The following SLC2A11 variants were observed in gnomAD, a reference collection of about 807,000 sequenced individuals.
SLC2A11 encodes solute carrier family 2 member 11.
Under a neutral mutation model 52.1 loss-of-function variants are expected in SLC2A11, and 43 were observed. The observed-to-expected ratio is 0.82, with a 90% confidence interval of 0.65 to 1.06. The LOEUF (loss-of-function observed/expected upper bound fraction) is 1.06, where lower values mean the gene tolerates loss of function less well. Ranked by LOEUF, SLC2A11 falls within the 50% of genes least tolerant of loss-of-function variation. SLC2A11 has a pLI of 0.00. For synonymous variants in SLC2A11, 261 were observed against 277.6 expected (o/e 0.94, Z 0.59); for missense variants, 582 against 654.2 (o/e 0.89, Z 1.20).
chr22:23,864,725 G>A (rs2032196421), intron 2 of SLC2A11, among the ~76,000 whole-genome samples: 1 of 152,198 alleles, frequency 6.6e-6, no homozygotes, highest in South Asian at 2.1e-4. Flanking sequence ...ACCTCCCACA[G>A]CCATCACCAG....
Position 23,868,618 on chromosome 22 carries a change from T to A in SLC2A11, c.267T>A (p.Gly89=), listed in dbSNP as rs1235486028. Residue 89 remains glycine, a synonymous_variant, in exon 3 of 12, where the codon GGT becomes GGA. Coordinates refer to ENST00000316185, the MANE Select transcript of SLC2A11 (RefSeq NM_001024939.4). ...LGGLFGALLA[G]PLAITLGRKK... is the part of the protein sequence containing the mutation. ...GCCTCTTTGGAGCACTGCTTGCAGGTCCCTTGGCCATCACGCTGGGAAGGT... is the reference window on the plus strand; with the variant it reads ...GCCTCTTTGGAGCACTGCTTGCAGGACCCTTGGCCATCACGCTGGGAAGGT... 1.2e-6 allele frequency: 2 copies of A among 1,614,008 alleles called. No individual in the cohort carries two copies. The highest frequency in any genetic ancestry group is 1.7e-6 in the Non-Finnish European group (2 of 1,180,004).
upstream of SLC2A11, chr22:23,857,065 T>TGA: frequency 2.3e-6 from 1 of 439,878 alleles, no homozygotes; most frequent in Non-Finnish European, 3.8e-6. Context: ...AACCAAAGTG[T>TGA]GTGTGTGTGG....
chr22:23,861,307 A>G (rs999963815), intron 1 of SLC2A11, among the ~76,000 whole-genome samples: 6 of 88,572 alleles, frequency 6.8e-5, no homozygotes, highest in Admixed American at 1.3e-4. Context: ...AAAAAAAAAA[A>G]AAAAAAAAGA....
chr22:23,857,602 C>CCCCCCAACACGCTGGGGCGAACT (rs1568980553), upstream of SLC2A11: 3 of 1,195,480 alleles, frequency 2.5e-6, no homozygotes, highest in African/African-American at 4.6e-5. Flanking sequence ...CGGCGACTCC[C>CCCCCCAACACGCTGGGGCGAACT]CCCCAACACG....
intron 3 of SLC2A11, among the ~76,000 whole-genome samples, chr22:23,874,574 C>T (rs373676236): frequency 1.3e-5 from 2 of 152,080 alleles, no homozygotes; most frequent in South Asian, 2.1e-4. Flanking sequence ...GCCTCAGTCT[C>T]GAGTAGCTGG....
At chr22:23,883,679 C>A in intron 8 of SLC2A11, 93 bp from the exon 9 acceptor site, 2 of 1,055,212 alleles carry the variant, frequency 1.9e-6, no homozygotes, top group Non-Finnish European at 2.7e-6. Flanking sequence ...TCACCTCCAC[C>A]ACCAGCTTTC....
At chr22:23,879,218 G>A (rs9612496) in intron 6 of SLC2A11, among the ~76,000 whole-genome samples, 4 of 151,966 alleles carry the variant, frequency 2.6e-5, no homozygotes, top group African/African-American at 7.2e-5. Flanking sequence ...TAGGCATGAC[G>A]CCATTGTTGA....
chr22:23,869,495 A>C (rs1022135875), intron 3 of SLC2A11: 2 of 153,724 alleles, frequency 1.3e-5, no homozygotes, highest in African/African-American at 4.8e-5. Flanking sequence ...CTCAAAAAAA[A>C]AAAAATTAAC....
At chr22:23,870,025 G>T in intron 3 of SLC2A11, 1 of 717,486 alleles carries the variant, frequency 1.4e-6, no homozygotes, top group African/African-American at 1.7e-5. Flanking sequence ...TCTAAATACC[G>T]TTGCATTGGA....
rs1334229376 is a variant in SLC2A11, at chr22:23,875,114, A to G, written c.291-3A>G. 1.3e-6 allele frequency: 2 copies of G among 1,572,860 alleles called. No homozygotes were observed. The highest frequency in any genetic ancestry group is 3.8e-5 in the Admixed American group (2 of 52,694). ...TCTTTCTGTGTGTTTCACTTCCCCC[A>G]AGGAAGAAGTCCCTCCTGGTGAATA... On this transcript the variant is annotated splice_region_variant and splice_polypyrimidine_tract_variant and intron_variant, in intron 3 of 11. Coordinates refer to ENST00000316185, the MANE Select transcript of SLC2A11 (RefSeq NM_001024939.4).
chr22:23,875,120 G>T lies in SLC2A11; in HGVS notation c.294G>T (p.Lys98Asn), dbSNP rs1322649346. Reference sequence around the variant, plus strand: ...TGTGTGTTTCACTTCCCCCAAGGAAGAAGTCCCTCCTGGTGAATAACATCT... The same window carrying T: ...TGTGTGTTTCACTTCCCCCAAGGAATAAGTCCCTCCTGGTGAATAACATCT... ...AGPLAITLGR[K>N]KSLLVNNIFV... is the part of the protein sequence containing the mutation. Residue 98 changes from lysine (K) to asparagine (N), a missense_variant, in exon 4 of 12, where the codon AAG becomes AAT. Physicochemically the swap from Lys to Asn is moderately conservative, Grantham distance 94. Coordinates refer to ENST00000316185, the MANE Select transcript of SLC2A11 (RefSeq NM_001024939.4). The T allele has an allele frequency of 6.3e-6, 10 of 1,579,114 alleles. No individual in the cohort carries two copies. The highest frequency in any genetic ancestry group is 7.7e-6 in the Non-Finnish European group (9 of 1,162,516).
Position 23,884,176 on chromosome 22 carries a change from G to A in SLC2A11, c.1172-126G>A. The A allele has an allele frequency of 6.8e-7, 1 of 1,478,728 alleles. No homozygotes were observed. Among genetic ancestry groups the A allele is most frequent in the Non-Finnish European group, 9.0e-7 (1 of 1,111,722 alleles). 91.6% of individuals were successfully genotyped at this position (1,478,728 alleles called of 1,614,324 possible). A position where few individuals can be genotyped will look rare whatever the true frequency, so the allele number is the denominator to read the frequency against. On this transcript the variant is annotated intron_variant, in intron 10 of 11. Transcript: ENST00000316185. The surrounding 1 kb of genome is among the most constrained non-coding windows in gnomAD (Gnocchi z 4.3). Reference sequence around the variant, plus strand: ...GGCTTCTGGGAGGGAATGGCAGGAGGAGAGCACTGAGGGGCCCCCCATACA... The same window carrying A: ...GGCTTCTGGGAGGGAATGGCAGGAGAAGAGCACTGAGGGGCCCCCCATACA...
chr22:23,857,609 C>T, upstream of SLC2A11: 5 of 1,260,946 alleles, frequency 4.0e-6, no homozygotes, highest in Non-Finnish European at 5.6e-6. Flanking sequence ...TCCCCCCCAA[C>T]ACGCTGGGGC....
intron 6 of SLC2A11, 75 bp from the exon 7 acceptor site, chr22:23,882,384 G>A (rs781045573): frequency 4.1e-5 from 54 of 1,314,876 alleles, no homozygotes; most frequent in Non-Finnish European, 5.3e-5. Flanking sequence ...TGGTGGGATG[G>A]AGGGGGGCGT....
In SLC2A11 at chr22:23,885,344, G is replaced by C. The variant is rs2032965956; in HGVS notation, c.*495G>C. 5.8e-6 allele frequency: 1 copy of C among 172,382 alleles called. No individual in the cohort carries two copies. The highest frequency in any genetic ancestry group is 6.3e-5 in the Admixed American group (1 of 15,858). The allele number at this position is 172,382 out of a possible 1,614,324, so 10.7% of individuals were successfully genotyped here. ...CATGCCAGACTGGGTGACAGAGGGA[G>C]ACTTCATCTCTTTAAAACATAATAA... On this transcript the variant is annotated 3_prime_UTR_variant, in exon 12 of 12. Transcript: ENST00000316185.
intron 3 of SLC2A11, chr22:23,871,081 A>G (rs1008208214): frequency 2.0e-5 from 3 of 152,128 alleles, no homozygotes; most frequent in African/African-American, 7.2e-5. Flanking sequence ...ATTCTGCTTC[A>G]TCTAAGACTT....
Position 23,868,601 on chromosome 22 carries a change from GGAGCACT to G in SLC2A11, c.252_258del (p.Ala85LeufsTer17). 6.2e-7 allele frequency: 1 copy of G among 1,614,162 alleles called. No individual in the cohort carries two copies. The highest frequency in any genetic ancestry group is 8.5e-7 in the Non-Finnish European group (1 of 1,180,028). On this transcript the variant is annotated frameshift_variant, in exon 3 of 12. Transcript: ENST00000316185. LOFTEE classifies it high-confidence loss of function. ...TCTGTATCCCCTGGGAGGCCTCTTT[GGAGCACT>G]GCTTGCAGGTCCCTTGGCCATCACG...
intron 1 of SLC2A11, 50 bp from the exon 2 acceptor site, chr22:23,862,054 G>T (rs774359574): frequency 2.0e-6 from 3 of 1,464,624 alleles, no homozygotes; most frequent in South Asian, 2.3e-5. Flanking sequence ...GGTCCAGGGA[G>T]GGGGTGGAGG....
intron 2 of SLC2A11, 117 bp downstream of exon 2, chr22:23,862,319 T>G (rs991965265): frequency 3.2e-6 from 3 of 928,590 alleles, no homozygotes; most frequent in Non-Finnish European, 3.5e-6. Flanking sequence ...CACAAGTTTG[T>G]CTCCATTGGG....
Sources: allele counts gnomAD v4.1 joint callset (sites outside exome capture counted in the v4.1 genomes callset), GRCh38; gene constraint gnomAD v4.1.1; non-coding constraint Gnocchi (gnomAD v3.1); transcripts MANE v1.5; gene names NCBI Gene and HGNC (gene_info 2026-07-23, HGNC 2026-07-21).